SLC25A12: variants seen among roughly 807,000 people sequenced by gnomAD.
SLC25A12 encodes electrogenic aspartate/glutamate antiporter SLC25A12, mitochondrial.
A neutral mutation model predicts 83.3 loss-of-function variants in SLC25A12; 32 were observed. The observed-to-expected ratio is 0.38, with a 90% CI of 0.29 to 0.52. SLC25A12 has a LOEUF of 0.52. SLC25A12 is among the 20% of genes least tolerant of loss of function. The pLI, the probability that SLC25A12 is intolerant of heterozygous loss-of-function variation, is 0.84. For missense variants in SLC25A12, 611 were observed against 835.6 expected (o/e 0.73, Z 3.31); for synonymous variants, 267 against 291.1 (o/e 0.92, Z 0.84).
chr2:171,816,062 CTTTTT>C (rs761249375), intron 9 of SLC25A12, among the ~76,000 whole-genome samples: 2 of 127,504 alleles, frequency 1.6e-5, no homozygotes, highest in African/African-American at 2.9e-5. Flanking sequence ...AAAAATATTC[CTTTTT>C]TTTTTTTTTT....
At chr2:171,881,032 T>C (rs1456843695) in intron 2 of SLC25A12, among the ~76,000 whole-genome samples, 1 of 152,242 alleles carries the variant, frequency 6.6e-6, no homozygotes, top group Non-Finnish European at 1.5e-5. Flanking sequence ...GAGGATTAAA[T>C]ATGATGATTT....
intron 2 of SLC25A12, among the ~76,000 whole-genome samples, chr2:171,876,264 G>A (rs1558941790): frequency 6.6e-6 from 1 of 152,070 alleles, no homozygotes; most frequent in Non-Finnish European, 1.5e-5. Flanking sequence ...GAGGAAAAAA[G>A]CATAAGTTTT....
chr2:171,837,401 T>C, intron 5 of SLC25A12, 134 bp from the exon 6 acceptor site: 1 of 935,402 alleles, frequency 1.1e-6, no homozygotes, highest in Non-Finnish European at 1.7e-6. Flanking sequence ...AGATCTGAAT[T>C]TGCAACAAAA....
chr2:171,869,430 AC>A (rs1685411290), intron 2 of SLC25A12, among the ~76,000 whole-genome samples: 1 of 152,068 alleles, frequency 6.6e-6, no homozygotes, highest in African/African-American at 2.4e-5. Context: ...CCTGAAAGTG[AC>A]TCCCAGAGGC....
intron 4 of SLC25A12, among the ~76,000 whole-genome samples, chr2:171,846,192 A>AG (rs1238161540): frequency 1.3e-5 from 2 of 152,154 alleles, no homozygotes; most frequent in Admixed American, 1.3e-4. Flanking sequence ...TCTAACAAAA[A>AG]GAAGTGTTTC....
At chr2:171,837,012 A>C (rs1684574661) in intron 6 of SLC25A12, 109 bp downstream of exon 6, 1 of 1,030,918 alleles carries the variant, frequency 9.7e-7, no homozygotes, top group African/African-American at 1.6e-5. Context: ...CCAACCAAGC[A>C]TGAAATTTGA....
chr2:171,844,752 C>T (rs1684757015), intron 4 of SLC25A12, among the ~76,000 whole-genome samples: 1 of 152,130 alleles, frequency 6.6e-6, no homozygotes, highest in Non-Finnish European at 1.5e-5. Context: ...TTCTTAATTT[C>T]TCTTTATTTA....
chr2:171,816,816 A>C (rs907849265), intron 9 of SLC25A12, among the ~76,000 whole-genome samples: 1 of 152,226 alleles, frequency 6.6e-6, no homozygotes, highest in African/African-American at 2.4e-5. Flanking sequence ...GGCAATGATG[A>C]TATTTAATCT....
chr2:171,834,010 T>C lies in SLC25A12; in HGVS notation c.798A>G (p.Leu266=). ...CAAGCTGATATAGAATATCAATTTC[T>C]AGTGGTGTGACTTGTCCATAGCGTA... ...SAIRYGQVTP[L]EIDILYQLAD... The change falls in exon 8 of 18, where the codon CTA becomes CTG. Residue 266 remains leucine (L), a synonymous_variant. Transcript: ENST00000422440. 6.2e-7 allele frequency: 1 copy of C among 1,610,534 alleles called. No individual in the cohort carries two copies. Among genetic ancestry groups the C allele is most frequent in the South Asian group, 1.1e-5 (1 of 90,990 alleles).
intron 15 of SLC25A12, among the ~76,000 whole-genome samples, chr2:171,791,106 T>C (rs920857099): frequency 3.3e-5 from 5 of 152,040 alleles, no homozygotes; most frequent in Non-Finnish European, 7.4e-5. Flanking sequence ...AAGCAACTGA[T>C]TTGAGGAAAA....
In SLC25A12 at chr2:171,793,624, C is replaced by A; in HGVS notation, c.1446+3G>T. On this transcript the variant is annotated splice_donor_region_variant and intron_variant, in intron 14 of 17. Coordinates refer to ENST00000422440, the MANE Select transcript of SLC25A12 (RefSeq NM_003705.5). ...GAGTACATTATAACCTAAACCTACCCACCTTATACAGACCAAAAATTCCCA... is the reference window on the plus strand; with the variant it reads ...GAGTACATTATAACCTAAACCTACCAACCTTATACAGACCAAAAATTCCCA... 1 of 1,614,078 alleles carries A rather than the reference C, an allele frequency of 6.2e-7. No homozygotes were observed. Among genetic ancestry groups the A allele is most frequent in the Non-Finnish European group, 8.5e-7 (1 of 1,179,968 alleles).
At chr2:171,843,993 G>C (rs1435593838) in intron 5 of SLC25A12, among the ~76,000 whole-genome samples, 3 of 152,198 alleles carry the variant, frequency 2.0e-5, no homozygotes, top group Non-Finnish European at 4.4e-5. Flanking sequence ...CACCATGTTA[G>C]CCAGGATGGT....
chr2:171,795,089 A>C (rs1683572909), intron 13 of SLC25A12, among the ~76,000 whole-genome samples: 1 of 152,144 alleles, frequency 6.6e-6, no homozygotes, highest in African/African-American at 2.4e-5. Context: ...TCAATATTCA[A>C]AATTGCCAGC....
intron 13 of SLC25A12, among the ~76,000 whole-genome samples, chr2:171,794,881 C>T (rs1435798060): frequency 6.6e-6 from 1 of 152,018 alleles, no homozygotes; most frequent in Non-Finnish European, 1.5e-5. Context: ...TATAGAACAC[C>T]TAAAAATTCA....
intron 6 of SLC25A12, 70 bp downstream of exon 6, chr2:171,837,051 G>A (rs1684575916): frequency 6.9e-7 from 1 of 1,455,200 alleles, no homozygotes. Flanking sequence ...AGTCCCTGGA[G>A]GCAATCCAGG....
intron 2 of SLC25A12, among the ~76,000 whole-genome samples, chr2:171,889,325 A>C (rs939347690): frequency 6.6e-6 from 1 of 152,120 alleles, no homozygotes; most frequent in East Asian, 1.9e-4. Context: ...GTTCACTTCT[A>C]CTTCTTCCCT....
rs145114359 is a variant in SLC25A12 at position 171,828,236 on chromosome 2, G to T, written c.846-1354C>A. On this transcript the variant is annotated intron_variant, in intron 8 of 17. Transcript: ENST00000422440. ...GGCCAAGAAGTGAATGGGGATAGCT[G>T]CCCTGCCCAGAATGGGGAAGTACTC... Among the ~76,000 whole-genome samples, 218 of 152,318 alleles carry T rather than the reference G, an allele frequency of 1.4e-3. 1 individual carries two copies. Among genetic ancestry groups the T allele is most frequent in the South Asian group, 6.2e-3 (30 of 4,826 alleles).
intron 2 of SLC25A12, among the ~76,000 whole-genome samples, chr2:171,890,822 GGTGA>G (rs1432939164): frequency 5.3e-5 from 8 of 151,998 alleles, no homozygotes; most frequent in Admixed American, 3.3e-4. Context: ...CCTTTCTGAA[GGTGA>G]GTATTTACAT....
At chr2:171,883,618 T>C (rs532176345) in intron 2 of SLC25A12, among the ~76,000 whole-genome samples, 10 of 152,302 alleles carry the variant, frequency 6.6e-5, no homozygotes, top group Non-Finnish European at 1.0e-4. Context: ...CTGGCCTTTC[T>C]GTTTGTTGAA....
Sources: gnomAD v4.1 joint callset for allele counts (sites outside exome capture counted in the v4.1 genomes callset) on GRCh38, gnomAD v4.1.1 for gene constraint, MANE v1.5 for transcripts, NCBI Gene and HGNC (gene_info 2026-07-23, HGNC 2026-07-21) for gene names.